The following SUOX variants were observed in gnomAD, a reference collection of about 807,000 sequenced individuals.
The protein encoded by SUOX is sulfite oxidase, also known as sulfite oxidase, mitochondrial.
Under a neutral mutation model 41.9 loss-of-function variants are expected in SUOX, and 39 were observed. The observed-to-expected ratio is 0.93, with a 90% CI of 0.72 to 1.21. The LOEUF is 1.21. Ranked by LOEUF, SUOX falls within the 50% of genes most tolerant of loss-of-function variation. The pLI is 0.00. For missense variants in SUOX, 633 were observed against 689.5 expected (o/e 0.92, Z 0.92); for synonymous variants, 220 against 268.4 (o/e 0.82, Z 1.76).
At position 56,000,661 on chromosome 12, in the gene SUOX, G is replaced by A. The variant is rs182981776; in HGVS notation, c.-10-1551G>A. Among the ~76,000 whole-genome samples, 78 of 152,372 alleles carry A rather than the reference G, an allele frequency of 5.1e-4. 2 individuals are homozygous for A. The East Asian group carries it at 8.7e-3, about 17-fold the overall frequency. ...TGGGAGCCCAGGCAGAGGAGGCACC[G>A]AGAGTGAGCAAGGGCTGTGAGGACT... is the stretch of plus-strand genomic sequence containing the variant. On this transcript the variant is annotated intron_variant, in intron 2 of 4. Coordinates refer to ENST00000266971, the MANE Select transcript of SUOX (RefSeq NM_001032386.2).
chr12:56,002,134 C>T, intron 2 of SUOX, 78 bp from the exon 3 acceptor site: 1 of 1,584,834 alleles, frequency 6.3e-7, no homozygotes, highest in Non-Finnish European at 8.6e-7. Flanking sequence ...GTGTCTTCCT[C>T]TCACCCATTC....
chr12:56,003,654 GA>G lies in SUOX; in HGVS notation c.267del (p.Val90Ter). The G allele has an allele frequency of 6.2e-7, 1 of 1,614,138 alleles. No homozygotes were observed. Among genetic ancestry groups the G allele is most frequent in the Non-Finnish European group, 8.5e-7 (1 of 1,180,002 alleles). On this transcript the variant is annotated frameshift_variant, in exon 5 of 5. Transcript: ENST00000266971. LOFTEE classifies it high-confidence loss of function. Reference protein sequence around the residue: ...QESTHIYTKEEVSSHTSPETG... With the variant: ...QESTHIYTKEXVSSHTSPETG... ...GTCAACACACATATACACTAAGGAG[GA>G]AGTGAGTTCCCACACCAGCCCTGAG... is the stretch of plus-strand genomic sequence containing the variant.
chr12:56,002,868 C>T, intron 4 of SUOX, 148 bp downstream of exon 4: 1 of 846,886 alleles, frequency 1.2e-6, no homozygotes, highest in Admixed American at 2.2e-5. Flanking sequence ...AACCCCATCT[C>T]TAGTAAAAAT....
In SUOX at chr12:56,004,214, C is replaced by T; in HGVS notation, c.825C>T (p.Val275=). 1 of 1,614,058 alleles carries T rather than the reference C, an allele frequency of 6.2e-7. No individual in the cohort carries two copies. Among genetic ancestry groups the T allele is most frequent in the Non-Finnish European group, 8.5e-7 (1 of 1,180,040 alleles). ...AGNRRSEMTQ[V]KEVKGLEWRT... The stretch of plus-strand genomic sequence containing the variant: ...ACCGACGCTCTGAGATGACTCAGGT[C>T]AAAGAAGTAAAAGGTCTGGAGTGGA... The change falls in exon 5 of 5, where the codon GTC becomes GTT. Residue 275 remains valine (V), a synonymous_variant. Coordinates refer to ENST00000266971, the MANE Select transcript of SUOX (RefSeq NM_001032386.2). The surrounding 1 kb of genome is among the most constrained non-coding windows in gnomAD (Gnocchi z 4.5).
chr12:56,003,781 G>A lies in SUOX; in HGVS notation c.392G>A (p.Gly131Asp), dbSNP rs199941809. 2 of 1,613,838 alleles carry A rather than the reference G, an allele frequency of 1.2e-6. No individual in the cohort carries two copies. Among genetic ancestry groups the A allele is most frequent in the East Asian group, 2.2e-5 (1 of 44,880 alleles). ...GPSKLMLAAG[G>D]PLEPFWALYA... The stretch of plus-strand genomic sequence containing the variant: ...TCAAAGCTGATGCTAGCAGCTGGGG[G>A]TCCCCTAGAGCCCTTCTGGGCCCTC... Residue 131 changes from glycine (G) to aspartate (D), a missense_variant, in exon 5 of 5, where the codon GGT (glycine) becomes GAT (aspartate). Physicochemically the swap from Gly to Asp is moderately conservative, Grantham distance 94. Transcript: ENST00000266971.
At position 56,002,647 on chromosome 12, in the gene SUOX, C is replaced by A. The variant is rs1242194769; in HGVS notation, c.155C>A (p.Thr52Asn). The A allele has an allele frequency of 6.2e-7, 1 of 1,614,054 alleles. No homozygotes were observed. The highest frequency in any genetic ancestry group is 8.5e-7 in the Non-Finnish European group (1 of 1,180,012). ...SLTFSGDNSS[T>N]QGWRVMGTLL... ...ACCTTCTCTGGTGATAACTCCAGCA[C>A]CCAGGGATGGAGAGTCATGGGGACC... is the stretch of plus-strand genomic sequence containing the variant. Residue 52 changes from threonine (T) to asparagine (N), a missense_variant, in exon 4 of 5, where the codon ACC becomes AAC. Thr to Asn is a moderately conservative substitution (Grantham distance 65). Transcript: ENST00000266971.
intron 2 of SUOX, among the ~76,000 whole-genome samples, chr12:55,999,794 T>C (rs1890444460): frequency 6.6e-6 from 1 of 152,206 alleles, no homozygotes; most frequent in African/African-American, 2.4e-5. Context: ...TGGTCTGTTT[T>C]GACAGGGTGC....
Position 56,004,137 on chromosome 12 carries a change from T to C in SUOX, c.748T>C (p.Leu250=), listed in dbSNP as rs1477823981. 6.2e-7 allele frequency: 1 copy of C among 1,614,216 alleles called. No homozygotes were observed. The highest frequency in any genetic ancestry group is 1.7e-5 in the Admixed American group (1 of 60,026). ...GQSLSLSLDD[L]HNFPRYEITV... is the part of the protein sequence containing the mutation. ...GTCACTGTCTCTTTCCCTGGATGAC[T>C]TGCACAACTTTCCCAGGTACGAGAT... The change falls in exon 5 of 5, where the codon TTG becomes CTG. Residue 250 remains leucine (L), a synonymous_variant. Transcript: ENST00000266971. This position sits in a 1 kb window ranked among gnomAD's most constrained non-coding sequence, Gnocchi z 4.5.
intron 4 of SUOX, 87 bp downstream of exon 4, chr12:56,002,807 G>T (rs1234906545): frequency 2.6e-6 from 4 of 1,542,714 alleles, no homozygotes; most frequent in Non-Finnish European, 3.6e-6. Flanking sequence ...GGCCAAGGTG[G>T]GTGGGTCACT....
intron 2 of SUOX, among the ~76,000 whole-genome samples, chr12:55,998,138 G>A (rs1409960203): frequency 1.3e-5 from 2 of 152,100 alleles, no homozygotes; most frequent in Non-Finnish European, 2.9e-5. Context: ...GGACTGAAAA[G>A]CCTTCAAAGA....
In SUOX at chr12:56,003,845, G is replaced by A. The variant is rs1374442209; in HGVS notation, c.456G>A (p.Leu152=). The A allele has an allele frequency of 9.9e-6, 16 of 1,613,952 alleles. No individual in the cohort carries two copies. Among genetic ancestry groups the A allele is most frequent in the Middle Eastern group, 1.6e-4 (1 of 6,084 alleles). ...ACCAGTCCCATGTGCGTGAGTTACT[G>A]GCTCAGTACAAGATTGGGGAGCTGA... ...VHNQSHVREL[L]AQYKIGELNP... The change falls in exon 5 of 5, where the codon CTG becomes CTA. Residue 152 remains leucine (L), a synonymous_variant. Transcript: ENST00000266971.
chr12:56,000,810 G>A (rs1282708285), intron 2 of SUOX, among the ~76,000 whole-genome samples: 1 of 151,590 alleles, frequency 6.6e-6, no homozygotes, highest in Non-Finnish European at 1.5e-5. Flanking sequence ...CGTTTGAGAC[G>A]GAGTCTCACT....
At chr12:56,002,352 A>G (rs1023107342) in intron 3 of SUOX, 81 bp downstream of exon 3, 3 of 1,550,446 alleles carry the variant, frequency 1.9e-6, no homozygotes, top group Admixed American at 1.7e-5. Context: ...TACCTTGCAA[A>G]TAAGACAGTT....
intron 2 of SUOX, among the ~76,000 whole-genome samples, chr12:56,000,552 G>C (rs1890479214): frequency 6.6e-6 from 1 of 152,130 alleles, no homozygotes; most frequent in African/African-American, 2.4e-5. Flanking sequence ...CAAGCTGAGG[G>C]AGCCGACTCT....
At chr12:55,998,070 T>G (rs1026972256) in intron 2 of SUOX, among the ~76,000 whole-genome samples, 1 of 152,034 alleles carries the variant, frequency 6.6e-6, no homozygotes, top group African/African-American at 2.4e-5. Context: ...GACCCTAGGT[T>G]GGGGTCCAGT....
At position 56,002,685 on chromosome 12, in the gene SUOX, G is replaced by A. The variant is rs770837196; in HGVS notation, c.193G>A (p.Gly65Ser). The A allele has an allele frequency of 4.5e-5, 73 of 1,613,998 alleles. No individual in the cohort carries two copies. The highest frequency in any genetic ancestry group is 2.5e-4 in the African/African-American group (19 of 74,888). The change falls in exon 4 of 5, where the codon GGT becomes AGT. Residue 65 changes from glycine (G) to serine (S), a missense_variant. Transcript: ENST00000266971. ...AGTCATGGGGACCCTATTAGGTCTC[G>A]GTGCAGTGTTGGCCTATCAGGACCA... ...WRVMGTLLGL[G>S]AVLAYQDHRC...
intron 3 of SUOX, 126 bp from the exon 4 acceptor site, chr12:56,002,417 T>C (rs1890565810): frequency 6.6e-7 from 1 of 1,506,506 alleles, no homozygotes. Context: ...TTCCCACCTA[T>C]CCCTGGAGAA....
chr12:56,004,210 A>G lies in SUOX; in HGVS notation c.821A>G (p.Gln274Arg), dbSNP rs772980320. The part of the protein sequence containing the change: ...CAGNRRSEMT[Q>R]VKEVKGLEWR... Reference sequence around the variant, plus strand: ...GGCAACCGACGCTCTGAGATGACTCAGGTCAAAGAAGTAAAAGGTCTGGAG... The same window carrying G: ...GGCAACCGACGCTCTGAGATGACTCGGGTCAAAGAAGTAAAAGGTCTGGAG... The change falls in exon 5 of 5, where the codon CAG (glutamine) becomes CGG (arginine). Residue 274 changes from glutamine to arginine, a missense_variant. Coordinates refer to ENST00000266971, the MANE Select transcript of SUOX (RefSeq NM_001032386.2). The surrounding 1 kb of genome is among the most constrained non-coding windows in gnomAD (Gnocchi z 4.5). The G allele has an allele frequency of 1.2e-6, 2 of 1,614,042 alleles. No homozygotes were observed. Among genetic ancestry groups the G allele is most frequent in the East Asian group, 2.2e-5 (1 of 44,904 alleles).
Position 56,002,586 on chromosome 12 carries a change from A to G in SUOX, c.94A>G (p.Thr32Ala), listed in dbSNP as rs1049167033. ...PSRICIQACS[T>A]NDSFQPQRPS... ...AAGGATCTGCATTCAGGCCTGCTCC[A>G]CAAATGATTCATTTCAGCCCCAGCG... Residue 32 changes from threonine (T) to alanine (A), a missense_variant, in exon 4 of 5, where the codon ACA becomes GCA. By Grantham distance (58) the Thr-to-Ala change is moderately conservative. Transcript: ENST00000266971. 10 of 1,613,944 alleles carry G rather than the reference A, an allele frequency of 6.2e-6. No homozygotes were observed. Among genetic ancestry groups the G allele is most frequent in the Non-Finnish European group, 7.6e-6 (9 of 1,180,030 alleles).
Sources: allele counts gnomAD v4.1 joint callset (sites outside exome capture counted in the v4.1 genomes callset), GRCh38; gene constraint gnomAD v4.1.1; non-coding constraint Gnocchi (gnomAD v3.1); transcripts MANE v1.5; gene names NCBI Gene and HGNC (gene_info 2026-07-23, HGNC 2026-07-21).